Variants in SH3RF3 observed in about 807,000 individuals in gnomAD.
SH3RF3 encodes E3 ubiquitin-protein ligase SH3RF3.
In SH3RF3, 29 loss-of-function variants were observed where a neutral mutation model predicts 66.3. That is an observed-to-expected ratio of 0.44 (90% CI 0.33 to 0.60). The LOEUF is 0.60. Among genes scored for constraint, SH3RF3 ranks in the 20% least tolerant of loss-of-function variants. The pLI, the probability that SH3RF3 is intolerant of heterozygous loss-of-function variation, is 0.04. For synonymous variants in SH3RF3, 583 were observed against 532.0 expected (o/e 1.10, Z -1.32); for missense variants, 1,194 against 1,190.9 (o/e 1.00, Z -0.04).
chr2:109,265,920 T>G (rs988371545), intron 1 of SH3RF3, among the ~76,000 whole-genome samples: 2 of 152,166 alleles, frequency 1.3e-5, no homozygotes, highest in Admixed American at 6.5e-5. Flanking sequence ...TTTCAGAGAT[T>G]GAAGGAAACT....
chr2:109,170,217 T>TC (rs1677729110), intron 1 of SH3RF3, among the ~76,000 whole-genome samples: 1 of 150,668 alleles, frequency 6.6e-6, no homozygotes, highest in Admixed American at 6.6e-5. Context: ...TTCTCTCTCT[T>TC]TTTTCTCTTC....
chr2:109,373,350 A>C (rs1683315341), intron 3 of SH3RF3, among the ~76,000 whole-genome samples: 1 of 152,200 alleles, frequency 6.6e-6, no homozygotes, highest in Non-Finnish European at 1.5e-5. Flanking sequence ...TACCCAACAT[A>C]TACATGAATG....
rs770041653 is a variant in SH3RF3, at chr2:109,301,350, GTGTT to G, written c.574-46320_574-46317del. ...ATCTGTGTGACGTGTGTGTGTGTGTGTGTTTGTGTATGTTTTGTGTGTGGTGGGG... is the reference window on the plus strand; with the variant it reads ...ATCTGTGTGACGTGTGTGTGTGTGTGTGTGTATGTTTTGTGTGTGGTGGGG... On this transcript the variant is annotated intron_variant, in intron 1 of 9. Transcript: ENST00000309415. Among the ~76,000 whole-genome samples the G allele has an allele frequency of 0.01, 794 of 76,440 alleles. 7 individuals are homozygous for G. The East Asian group carries it at 0.12, about 12-fold the overall frequency. The allele number at this position is 76,440 out of a possible 152,430, so 50.1% of individuals were successfully genotyped here.
chr2:109,253,503 T>G (rs986965778), intron 1 of SH3RF3, among the ~76,000 whole-genome samples: 5 of 152,182 alleles, frequency 3.3e-5, no homozygotes, highest in Non-Finnish European at 5.9e-5. Context: ...GGCTTGCTAT[T>G]TGTTTTCTAA....
chr2:109,228,876 G>T (rs1679433752), intron 1 of SH3RF3, among the ~76,000 whole-genome samples: 2 of 152,190 alleles, frequency 1.3e-5, no homozygotes, highest in Admixed American at 6.5e-5. Context: ...ACACAGGCAT[G>T]ATTGGTTATC....
Position 109,130,079 on chromosome 2 carries a change from A to G in SH3RF3, c.539A>G (p.Glu180Gly). The G allele has an allele frequency of 7.3e-7, 1 of 1,364,358 alleles. No homozygotes were observed. The highest frequency in any genetic ancestry group is 9.4e-7 in the Non-Finnish European group (1 of 1,059,494). 84.5% of individuals were successfully genotyped at this position (1,364,358 alleles called of 1,614,324 possible). ...GGCAGCACCGCCGGCAGTCTGCGGG[A>G]GCTGGCGACCAGCAGGACCGCGCCG... is the stretch of plus-strand genomic sequence containing the variant. ...AAGSTAGSLR[E>G]LATSRTAPAA... is the part of the protein sequence containing the mutation. Residue 180 changes from glutamate (E) to glycine (G), a missense_variant, in exon 1 of 10, where the codon GAG (glutamate) becomes GGG (glycine). Glu to Gly is a moderately conservative substitution (Grantham distance 98). Transcript: ENST00000309415.
intron 1 of SH3RF3, among the ~76,000 whole-genome samples, chr2:109,345,034 G>A (rs1352410356): frequency 6.6e-6 from 1 of 152,160 alleles, no homozygotes; most frequent in Non-Finnish European, 1.5e-5. Flanking sequence ...TACCAGTGAG[G>A]CCATGGTCCC....
intron 8 of SH3RF3, among the ~76,000 whole-genome samples, chr2:109,465,733 C>T (rs528699938): frequency 1.5e-4 from 23 of 152,176 alleles, no homozygotes; most frequent in African/African-American, 2.9e-4. Context: ...CCAATCATGG[C>T]GGAAGACAAA....
intron 1 of SH3RF3, among the ~76,000 whole-genome samples, chr2:109,249,532 T>TTTCTTTCCTTCC (rs1680019798): frequency 1.0e-4 from 10 of 96,494 alleles, no homozygotes; most frequent in African/African-American, 1.4e-4. Flanking sequence ...TCTTTCTTTC[T>TTTCTTTCCTTCC]TTCCTTCCTT....
rs762415514 is a variant in SH3RF3 at position 109,298,502 on chromosome 2, G to A, written c.574-49172G>A. 2.0e-5 allele frequency among the ~76,000 whole-genome samples: 3 copies of A among 152,074 alleles called. No individual in the cohort carries two copies. In the South Asian group the frequency reaches 6.2e-4, roughly 31 times the overall value. ...CCAGGCTGGGTGGGGGATGATTTAG[G>A]TCACTTTGCTCCAGGTGGTGAGCCC... On this transcript the variant is annotated intron_variant, in intron 1 of 9. Transcript: ENST00000309415.
intron 1 of SH3RF3, among the ~76,000 whole-genome samples, chr2:109,330,270 T>C (rs1248576030): frequency 6.6e-6 from 1 of 152,128 alleles, no homozygotes; most frequent in Non-Finnish European, 1.5e-5. Flanking sequence ...TTTCCTCAAT[T>C]TTGGTGTGCA....
At chr2:109,279,809 G>T (rs1338981232) in intron 1 of SH3RF3, among the ~76,000 whole-genome samples, 1 of 152,200 alleles carries the variant, frequency 6.6e-6, no homozygotes, top group African/African-American at 2.4e-5. Flanking sequence ...GAAGAGGTCC[G>T]GGAGGATCTA....
In SH3RF3 at chr2:109,129,266, C is replaced by T. The variant is rs1025182756; in HGVS notation, c.-275C>T. ...CGGTCCCCCGCGCGGGGCGGACTTG[C>T]GGCGGGACAGGTGTAGCCCGCAGCC... On this transcript the variant is annotated 5_prime_UTR_variant, in exon 1 of 10. Transcript: ENST00000309415. 6.6e-6 allele frequency: 4 copies of T among 604,318 alleles called. No individual in the cohort carries two copies. The highest frequency in any genetic ancestry group is 2.0e-5 in the African/African-American group (1 of 50,822). The allele number at this position is 604,318 out of a possible 1,614,324, so 37.4% of individuals were successfully genotyped here.
chr2:109,283,367 C>T (rs1193369206), intron 1 of SH3RF3, among the ~76,000 whole-genome samples: 1 of 152,206 alleles, frequency 6.6e-6, no homozygotes, highest in Non-Finnish European at 1.5e-5. Context: ...CTCTGCCAGG[C>T]CTCACCTCAC....
rs541322335 is a variant in SH3RF3 at position 109,423,867 on chromosome 2, C to T, written c.1403+4225C>T. Among the ~76,000 whole-genome samples, 4 of 152,312 alleles carry T rather than the reference C, an allele frequency of 2.6e-5. No homozygotes were observed. The East Asian group carries it at 7.7e-4, about 29-fold the overall frequency. ...TCATCCCCACCCCTGCCGCCTGCACCTCTAGAGAGGGCACAGCTGGGACCC... is the reference window on the plus strand; with the variant it reads ...TCATCCCCACCCCTGCCGCCTGCACTTCTAGAGAGGGCACAGCTGGGACCC... On this transcript the variant is annotated intron_variant, in intron 5 of 9. Transcript: ENST00000309415.
At chr2:109,370,069 G>A (rs1012815779) in intron 2 of SH3RF3, among the ~76,000 whole-genome samples, 3 of 152,178 alleles carry the variant, frequency 2.0e-5, no homozygotes, top group African/African-American at 7.2e-5. Context: ...AGGCTGACAG[G>A]CCTTGGGGCG....
intron 1 of SH3RF3, among the ~76,000 whole-genome samples, chr2:109,181,810 A>T (rs952549609): frequency 6.6e-6 from 1 of 151,986 alleles, no homozygotes; most frequent in Non-Finnish European, 1.5e-5. Flanking sequence ...CATCCATGCC[A>T]CATTCTAAGA....
intron 1 of SH3RF3, among the ~76,000 whole-genome samples, chr2:109,167,033 A>G (rs1353859692): frequency 6.6e-6 from 1 of 152,186 alleles, no homozygotes; most frequent in Admixed American, 6.5e-5. Context: ...CACACCACTC[A>G]TCGGTGTCCC....
At chr2:109,406,384 G>T (rs1045971740) in intron 4 of SH3RF3, among the ~76,000 whole-genome samples, 7 of 152,144 alleles carry the variant, frequency 4.6e-5, no homozygotes, top group Non-Finnish European at 1.0e-4. Flanking sequence ...TAAATGGGCA[G>T]TCAGCTCTGG....
Sources: gnomAD v4.1 joint callset for allele counts (sites outside exome capture counted in the v4.1 genomes callset) on GRCh38, gnomAD v4.1.1 for gene constraint, MANE v1.5 for transcripts, NCBI Gene and HGNC (gene_info 2026-07-23, HGNC 2026-07-21) for gene names.